The following SPOP variants were observed in gnomAD, a reference collection of about 807,000 sequenced individuals.
SPOP encodes speckle-type POZ protein.
SPOP carries 11 observed loss-of-function variants against 45.6 expected under a neutral mutation model. That is an observed-to-expected ratio of 0.24 (90% CI 0.15 to 0.40). The LOEUF (loss-of-function observed/expected upper bound fraction) is 0.40, where lower values mean the gene tolerates loss of function less well. Ranked by LOEUF, SPOP falls within the 10% of genes least tolerant of loss-of-function variation. The pLI is 1.00. For missense variants in SPOP, 152 were observed against 465.6 expected (o/e 0.33, Z 6.20); for synonymous variants, 166 against 166.3 (o/e 1.00, Z 0.01).
At chr17:49,675,800 T>A (rs997157505) in intron 1 of SPOP, 14 of 152,048 alleles carry the variant, frequency 9.2e-5, no homozygotes, top group Admixed American at 2.6e-4. Flanking sequence ...CGGGGGTGGA[T>A]CACTTGAGGT....
chr17:49,661,483 C>A (rs2072986966), intron 1 of SPOP, among the ~76,000 whole-genome samples: 1 of 152,138 alleles, frequency 6.6e-6, no homozygotes, highest in Non-Finnish European at 1.5e-5. Flanking sequence ...AAATACCCAC[C>A]CTTCAAAGCC....
chr17:49,635,999 T>C (rs1465194950), intron 1 of SPOP, among the ~76,000 whole-genome samples: 1 of 151,870 alleles, frequency 6.6e-6, no homozygotes, highest in East Asian at 1.9e-4. Flanking sequence ...TTTTTTCTGT[T>C]TGTTTTTGTT....
chr17:49,669,675 G>C (rs1211933684), intron 1 of SPOP, among the ~76,000 whole-genome samples: 3 of 143,584 alleles, frequency 2.1e-5, no homozygotes, highest in African/African-American at 7.8e-5. Flanking sequence ...TTAGGTAAGA[G>C]AATGGCTTGG....
chr17:49,664,419 A>C (rs2073026429), intron 1 of SPOP, among the ~76,000 whole-genome samples: 1 of 152,322 alleles, frequency 6.6e-6, no homozygotes, highest in South Asian at 2.1e-4. Flanking sequence ...ATTTTTCTAA[A>C]ACATTTTTTC....
At chr17:49,637,174 C>T (rs764115189) in intron 1 of SPOP, among the ~76,000 whole-genome samples, 12 of 151,914 alleles carry the variant, frequency 7.9e-5, no homozygotes, top group South Asian at 2.1e-4. Context: ...GCAGAGATTC[C>T]GGTGACCTCA....
chr17:49,677,428 A>G (rs1346932256), intron 1 of SPOP, among the ~76,000 whole-genome samples: 1 of 152,254 alleles, frequency 6.6e-6, no homozygotes, highest in Non-Finnish European at 1.5e-5. Context: ...AGTCTTTCAC[A>G]TAATTTAAAT....
rs189315237 is a variant in SPOP, at chr17:49,607,105, G to A, written c.837+145C>T. On this transcript the variant is annotated intron_variant, in intron 8 of 9. Transcript: ENST00000504102. The stretch of plus-strand genomic sequence containing the variant: ...AAAGTGTGCTATTAATAATTGTGTT[G>A]GAATAATATGTGTAAACCAGGACCG... The A allele has an allele frequency of 8.6e-5, 79 of 913,988 alleles. 1 individual carries two copies. The African/African-American group carries it at 1.3e-3, about 15-fold the overall frequency. The allele number at this position is 913,988 out of a possible 1,614,324, so 56.6% of individuals were successfully genotyped here.
At chr17:49,602,094 A>G (rs2071750506) in intron 8 of SPOP, 87 bp from the exon 9 acceptor site, 3 of 1,468,882 alleles carry the variant, frequency 2.0e-6, no homozygotes, top group East Asian at 4.6e-5. Flanking sequence ...CTGTACCATC[A>G]TATTAACTAG....
intron 1 of SPOP, among the ~76,000 whole-genome samples, chr17:49,670,832 A>T (rs996312184): frequency 3.3e-5 from 5 of 152,166 alleles, no homozygotes; most frequent in Admixed American, 3.3e-4. Context: ...ATTAAGAACA[A>T]TTTGCCTCAC....
chr17:49,648,439 C>T (rs754917774), intron 1 of SPOP, among the ~76,000 whole-genome samples: 14 of 152,180 alleles, frequency 9.2e-5, no homozygotes, highest in Non-Finnish European at 1.6e-4. Context: ...CATCTTAGGG[C>T]CTTTGCATTC....
intron 1 of SPOP, among the ~76,000 whole-genome samples, chr17:49,641,555 C>G (rs1347108898): frequency 1.3e-5 from 2 of 149,274 alleles, no homozygotes; most frequent in Admixed American, 1.3e-4. Flanking sequence ...TAGACAGTAA[C>G]TCTATAGCAC....
At chr17:49,672,168 C>T (rs2073144679) in intron 1 of SPOP, among the ~76,000 whole-genome samples, 3 of 151,988 alleles carry the variant, frequency 2.0e-5, no homozygotes, top group East Asian at 1.9e-4. Flanking sequence ...TATTCCTAAC[C>T]GATGAGGAAA....
intron 3 of SPOP, among the ~76,000 whole-genome samples, chr17:49,620,938 C>A (rs2072210567): frequency 6.6e-6 from 1 of 152,172 alleles, no homozygotes; most frequent in Non-Finnish European, 1.5e-5. Flanking sequence ...GAATAAACAT[C>A]TCTCTCAACA....
chr17:49,630,261 C>G (rs2676797), intron 1 of SPOP, among the ~76,000 whole-genome samples: 1 of 152,214 alleles, frequency 6.6e-6, no homozygotes, highest in Non-Finnish European at 1.5e-5. Context: ...CCAAAAGGAG[C>G]CTTTTGTTTT....
chr17:49,657,696 CTTT>C (rs34194099), intron 1 of SPOP, among the ~76,000 whole-genome samples: 7 of 100,948 alleles, frequency 6.9e-5, no homozygotes, highest in Admixed American at 1.2e-4. Context: ...CGCACCCGGC[CTTT>C]TTTTTTTTTT....
At chr17:49,601,814 C>A in intron 9 of SPOP, 51 bp downstream of exon 9, 2 of 1,604,850 alleles carry the variant, frequency 1.2e-6, no homozygotes, top group South Asian at 1.1e-5. Flanking sequence ...TTTCTCATTT[C>A]TTCAGCTATC....
chr17:49,624,336 C>G (rs2072284696), intron 1 of SPOP, among the ~76,000 whole-genome samples: 1 of 78,068 alleles, frequency 1.3e-5, no homozygotes, highest in Non-Finnish European at 3.1e-5. Flanking sequence ...CGCGCGCACA[C>G]ACACACACAC....
intron 6 of SPOP, among the ~76,000 whole-genome samples, chr17:49,609,604 G>A (rs2071925111): frequency 6.6e-6 from 1 of 152,200 alleles, no homozygotes; most frequent in Non-Finnish European, 1.5e-5. Flanking sequence ...AATCAGGAGA[G>A]AGGAGTCCTA....
chr17:49,678,114 G>A, upstream of SPOP: 3 of 396,006 alleles, frequency 7.6e-6, no homozygotes, highest in East Asian at 3.6e-5. Flanking sequence ...TCAGCACGTC[G>A]ACGCAGCCAG....
Sources: gnomAD v4.1 joint callset for allele counts (sites outside exome capture counted in the v4.1 genomes callset) on GRCh38, gnomAD v4.1.1 for gene constraint, MANE v1.5 for transcripts, NCBI Gene and HGNC (gene_info 2026-07-23, HGNC 2026-07-21) for gene names.